The following IRAG2 variants were observed in gnomAD, a reference collection of about 807,000 sequenced individuals.
IRAG2 encodes the protein inositol 1,4,5-triphosphate receptor associated 2.
A neutral mutation model predicts 69.9 loss-of-function variants in IRAG2; 45 were observed. That is an observed-to-expected ratio of 0.64 (90% CI 0.51 to 0.83). The LOEUF is 0.83. Ranked by LOEUF, IRAG2 falls within the 40% of genes least tolerant of loss-of-function variation. The pLI is 0.00. For missense variants in IRAG2, 520 were observed against 587.0 expected (o/e 0.89, Z 1.18); for synonymous variants, 193 against 202.4 (o/e 0.95, Z 0.40).
At chr12:25,061,166 G>C (rs12226955) in intron 1 of IRAG2, among the ~76,000 whole-genome samples, 31,034 of 151,882 alleles carry the variant, frequency 0.2, 3,363 homozygotes, top group African/African-American at 0.26. Flanking sequence ...TCCTTTTCTT[G>C]AGGCCCCAAA....
At chr12:25,059,241 C>T (rs1003500625) in intron 1 of IRAG2, among the ~76,000 whole-genome samples, 1 of 151,204 alleles carries the variant, frequency 6.6e-6, no homozygotes, top group Non-Finnish European at 1.5e-5. Context: ...GAGCACAGGG[C>T]CTTCCTTCTT....
chr12:25,004,541 CT>C lies in IRAG2; in HGVS notation c.202del (p.Cys68ValfsTer24). ...GAGGTACTGAGGAAAATGACTGCTG[CT>C]TGTGTTCCTACGCCCGGCTCTCATT... On this transcript the variant is annotated frameshift_variant, in exon 1 of 39. Coordinates refer to the IRAG2 transcript ENST00000636465. LOFTEE classifies it high-confidence loss of function. 8.1e-7 allele frequency: 1 copy of C among 1,232,142 alleles called. No individual in the cohort carries two copies. Among genetic ancestry groups the C allele is most frequent in the South Asian group, 4.1e-5 (1 of 24,314 alleles). 76.3% of individuals were successfully genotyped at this position (1,232,142 alleles called of 1,614,324 possible). A position where few individuals can be genotyped will look rare whatever the true frequency, so the allele number is the denominator to read the frequency against.
intron 2 of IRAG2, chr12:25,011,321 A>C (rs1198380024): frequency 3.3e-6 from 4 of 1,225,848 alleles, no homozygotes; most frequent in African/African-American, 3.1e-5. Context: ...ACTTGTGAAA[A>C]ATATAACTTT....
At chr12:25,049,831 A>C (rs2139871734), upstream of IRAG2, among the ~76,000 whole-genome samples, 1 of 152,000 alleles carries the variant, frequency 6.6e-6, no homozygotes, top group Non-Finnish European at 1.5e-5. Flanking sequence ...AAATACAAAA[A>C]AATTAGCCAG....
intron 5 of IRAG2, among the ~76,000 whole-genome samples, chr12:25,068,324 G>T (rs1238073100): frequency 6.6e-6 from 1 of 152,192 alleles, no homozygotes; most frequent in African/African-American, 2.4e-5. Flanking sequence ...AGATACATCG[G>T]AAAGGTTTGG....
At chr12:25,102,528 C>A in intron 17 of IRAG2, 2 of 386,752 alleles carry the variant, frequency 5.2e-6, no homozygotes, top group Non-Finnish European at 9.4e-6. Context: ...TTCACAAGAT[C>A]CTGAGGGATC....
chr12:25,063,704 T>C lies in IRAG2; in HGVS notation c.-303-16T>C. ...CATTCCTTTAGATGGCTAATACTAC[T>C]TGGTTTTCTGTTCAGAAGCAGTGTT... On this transcript the variant is annotated splice_polypyrimidine_tract_variant and intron_variant, in intron 3 of 21. Coordinates refer to ENST00000556887, the MANE Select transcript of IRAG2 (RefSeq NM_001366544.2). 2.5e-6 allele frequency: 1 copy of C among 399,002 alleles called. No homozygotes were observed. Among genetic ancestry groups the C allele is most frequent in the Non-Finnish European group, 4.4e-6 (1 of 226,034 alleles). The allele number at this position is 399,002 out of a possible 1,614,324, so 24.7% of individuals were successfully genotyped here. A position where few individuals can be genotyped will look rare whatever the true frequency, so the allele number is the denominator to read the frequency against.
chr12:25,078,950 A>C (rs917318888), intron 6 of IRAG2, among the ~76,000 whole-genome samples: 1 of 152,242 alleles, frequency 6.6e-6, no homozygotes, highest in Non-Finnish European at 1.5e-5. Flanking sequence ...AAGCGTATGA[A>C]ATAAACCCTA....
chr12:25,038,864 C>T (rs1310776268), intron 16 of IRAG2, among the ~76,000 whole-genome samples: 2 of 152,168 alleles, frequency 1.3e-5, no homozygotes, highest in Admixed American at 6.5e-5. Flanking sequence ...GGTCTGTTGG[C>T]TCCTCCCCAC....
Position 25,104,111 on chromosome 12 carries a change from G to T in IRAG2, c.1046+53G>T, listed in dbSNP as rs992622345. On this transcript the variant is annotated intron_variant, in intron 19 of 21. Coordinates refer to ENST00000556887, the MANE Select transcript of IRAG2 (RefSeq NM_001366544.2). ...GGGAACCTTACTATTTTATACTTGG[G>T]CTAACCTAAATGAGTGCTCAAATTA... The T allele has an allele frequency of 3.3e-5, 50 of 1,496,470 alleles. No homozygotes were observed. In the South Asian group the frequency reaches 5.7e-4, roughly 17 times the overall value. 92.7% of individuals were successfully genotyped at this position (1,496,470 alleles called of 1,614,324 possible).
chr12:25,082,648 A>C lies in IRAG2; in HGVS notation c.245-775A>C, dbSNP rs141213867. Among the ~76,000 whole-genome samples the C allele has an allele frequency of 5.3e-3, 807 of 152,184 alleles. 7 individuals are homozygous for C. The highest frequency in any genetic ancestry group is 0.018 in the African/African-American group (753 of 41,530). On this transcript the variant is annotated intron_variant, in intron 9 of 21. Coordinates refer to ENST00000556887, the MANE Select transcript of IRAG2 (RefSeq NM_001366544.2). ...CAAACAAAACAAAACAAAACAAAAA[A>C]CCTAAAATAAAATTTTCATAAGGAA...
chr12:25,076,382 T>G, intron 6 of IRAG2: 1 of 967,850 alleles, frequency 1.0e-6, no homozygotes, highest in African/African-American at 1.8e-5. Context: ...ATGTTTCATA[T>G]CTAACGTATA....
chr12:25,028,348 T>C lies in IRAG2; in HGVS notation c.1461+1482T>C, dbSNP rs541265781. Among the ~76,000 whole-genome samples the C allele has an allele frequency of 7.2e-5, 11 of 152,374 alleles. No individual in the cohort carries two copies. In the East Asian group the frequency reaches 2.1e-3, roughly 29 times the overall value. ...TCTACATTCTTGCCCAGATTTGTTA[T>C]CTTTTTATATTATATGGCAATTTTT... is the stretch of plus-strand genomic sequence containing the variant. On this transcript the variant is annotated intron_variant, in intron 9 of 38. Coordinates refer to the IRAG2 transcript ENST00000636465.
intron 3 of IRAG2, among the ~76,000 whole-genome samples, chr12:25,011,968 G>T (rs931994984): frequency 1.3e-5 from 2 of 151,968 alleles, no homozygotes; most frequent in Admixed American, 6.6e-5. Context: ...AAGGGCAGTG[G>T]GGCTAGTCAG....
intron 2 of IRAG2, among the ~76,000 whole-genome samples, chr12:25,008,050 T>A (rs558840755): frequency 4.3e-4 from 65 of 152,302 alleles, no homozygotes; most frequent in African/African-American, 1.4e-3. Context: ...ACAACTACTT[T>A]TGCATCAACC....
chr12:25,071,228 C>T (rs2140036457), intron 6 of IRAG2, among the ~76,000 whole-genome samples: 1 of 152,186 alleles, frequency 6.6e-6, no homozygotes, highest in East Asian at 1.9e-4. Flanking sequence ...CACCTATACT[C>T]CCAGCTACTT....
chr12:25,098,803 G>A (rs776382350), intron 15 of IRAG2, among the ~76,000 whole-genome samples: 30 of 152,078 alleles, frequency 2.0e-4, no homozygotes, highest in Non-Finnish European at 3.5e-4. Context: ...CTCCTCCCAC[G>A]TTCTCTCCAA....
chr12:25,033,892 T>C (rs759668543), exon 13 of IRAG2: 2 of 398,860 alleles, frequency 5.0e-6, no homozygotes, highest in Admixed American at 8.8e-5. Flanking sequence ...AACAGTATCA[T>C]CTCTGAAGGA....
intron 12 of IRAG2, among the ~76,000 whole-genome samples, chr12:25,033,443 A>C (rs699052): frequency 0.62 from 94,977 of 152,110 alleles, 30,563 homozygotes; most frequent in Non-Finnish European, 0.68. Flanking sequence ...ATGCAAATGG[A>C]AAAGGAGATA....
Sources: gnomAD v4.1 joint callset for allele counts (sites outside exome capture counted in the v4.1 genomes callset) on GRCh38, gnomAD v4.1.1 for gene constraint, MANE v1.5 for transcripts, NCBI Gene and HGNC (gene_info 2026-07-23, HGNC 2026-07-21) for gene names.